The following DCTN1 variants were observed in gnomAD, a reference collection of about 807,000 sequenced individuals.
DCTN1 encodes 150 kDa dynein-associated polypeptide.
DCTN1 carries 61 observed loss-of-function variants against 161.2 expected under a neutral mutation model. The ratio of observed to expected loss-of-function variants is 0.38; its 90% CI spans 0.31 to 0.47. DCTN1 has a LOEUF of 0.47. DCTN1 is among the 20% of genes least tolerant of loss of function. DCTN1 has a pLI of 0.99. For missense variants in DCTN1, 1,404 were observed against 1,623.7 expected (o/e 0.86, Z 2.33); for synonymous variants, 653 against 632.4 (o/e 1.03, Z -0.49).
At chr2:74,363,790 T>C (rs1674203004) in intron 26 of DCTN1, 162 bp from the exon 27 acceptor site, 3 of 929,540 alleles carry the variant, frequency 3.2e-6, no homozygotes, top group Non-Finnish European at 5.1e-6. Flanking sequence ...GCCACCTATC[T>C]TTGGGGACGA....
chr2:74,361,697 T>A, intron 31 of DCTN1, 61 bp from the exon 32 acceptor site: 1 of 1,611,326 alleles, frequency 6.2e-7, no homozygotes, highest in Non-Finnish European at 8.5e-7. Flanking sequence ...TGTGGGCCAC[T>A]GAAGGGGTCC....
At chr2:74,363,796 G>C in intron 26 of DCTN1, 168 bp from the exon 27 acceptor site, 1 of 890,466 alleles carries the variant, frequency 1.1e-6, no homozygotes, top group Admixed American at 2.0e-5. Flanking sequence ...TATCTTTGGG[G>C]ACGAGCAGAT....
intron 1 of DCTN1, chr2:74,385,559 G>A (rs1456680793): frequency 6.6e-6 from 1 of 152,200 alleles, no homozygotes; most frequent in Non-Finnish European, 1.5e-5. Flanking sequence ...GCTGTACTGG[G>A]CTCTGCCTTT....
In DCTN1 at chr2:74,369,342, C is replaced by G; in HGVS notation, c.1542G>C (p.Gln514His). 1 of 1,614,186 alleles carries G rather than the reference C, an allele frequency of 6.2e-7. No individual in the cohort carries two copies. The highest frequency in any genetic ancestry group is 1.1e-5 in the South Asian group (1 of 91,080). Residue 514 changes from glutamine (Q) to histidine (H), a missense_variant, in exon 14 of 32, where the codon CAG becomes CAC. This residue lies in a region of DCTN1 where 278 missense variants were observed against 363.8 expected (regional missense o/e 0.76). Coordinates refer to ENST00000628224, the MANE Select transcript of DCTN1 (RefSeq NM_004082.5). This position sits in a 1 kb window ranked among gnomAD's most constrained non-coding sequence, Gnocchi z 4.9. ...EAAQETVADY[Q>H]QTIKKYRQLT... ...GCTGGCGGTACTTCTTGATGGTCTG[C>G]TGGTAGTCTGCAACCGTCTCCTGGG... is the stretch of plus-strand genomic sequence containing the variant.
Position 74,361,348 on chromosome 2 carries a change from G to T in DCTN1, c.*151C>A. 1 of 1,093,102 alleles carries T rather than the reference G, an allele frequency of 9.1e-7. No homozygotes were observed. The highest frequency in any genetic ancestry group is 1.3e-6 in the Non-Finnish European group (1 of 741,906). 67.7% of individuals were successfully genotyped at this position (1,093,102 alleles called of 1,614,324 possible). A position where few individuals can be genotyped will look rare whatever the true frequency, so the allele number is the denominator to read the frequency against. On this transcript the variant is annotated 3_prime_UTR_variant, in exon 32 of 32. Transcript: ENST00000628224. ...GGGGAACCCGGGTCAAGGTGAAGGG[G>T]CAGGACGCTGAAAGGGTGGGAGTGA...
chr2:74,381,422 A>G (rs1000874173), upstream of DCTN1, among the ~76,000 whole-genome samples: 2 of 152,240 alleles, frequency 1.3e-5, no homozygotes, highest in Non-Finnish European at 2.9e-5. Flanking sequence ...GGAGAATGAC[A>G]GCCAACATTC....
chr2:74,378,266 C>G (rs767083714), intron 1 of DCTN1, 21 bp from the exon 2 acceptor site: 2 of 1,602,476 alleles, frequency 1.2e-6, no homozygotes, highest in Non-Finnish European at 1.7e-6. Context: ...CAGGTAAACA[C>G]AGACAGTTAG....
chr2:74,380,412 C>T, upstream of DCTN1: 3 of 500,808 alleles, frequency 6.0e-6, no homozygotes, highest in South Asian at 4.7e-5. Flanking sequence ...GGGCATACGC[C>T]ACAGACCCTC....
rs984523563 is a variant in DCTN1, at chr2:74,366,636, G to C, written c.2467-16C>G. On this transcript the variant is annotated splice_polypyrimidine_tract_variant and intron_variant, in intron 21 of 31. Coordinates refer to ENST00000628224, the MANE Select transcript of DCTN1 (RefSeq NM_004082.5). ...TGTCAGATACCTGTGTGCCAGGCCA[G>C]AGTCAGGAGTCAACCCTGGGTTCAG... 9.9e-6 allele frequency: 16 copies of C among 1,612,492 alleles called. No homozygotes were observed. Among genetic ancestry groups the C allele is most frequent in the Non-Finnish European group, 1.3e-5 (15 of 1,180,030 alleles).
chr2:74,362,183 C>G, intron 30 of DCTN1, 42 bp from the exon 31 acceptor site: 1 of 1,585,288 alleles, frequency 6.3e-7, no homozygotes, highest in Non-Finnish European at 8.7e-7. Flanking sequence ...TTTATGGGAC[C>G]CCCACAGGCT....
upstream of DCTN1, chr2:74,380,499 C>T (rs979630861): frequency 1.1e-5 from 5 of 474,310 alleles, no homozygotes; most frequent in Non-Finnish European, 2.2e-5. Context: ...ACCCACTCAC[C>T]ATCACTGTTC....
At chr2:74,386,139 C>T (rs1001860306) in intron 1 of DCTN1, among the ~76,000 whole-genome samples, 1 of 152,178 alleles carries the variant, frequency 6.6e-6, no homozygotes. Flanking sequence ...CACTGTCCTG[C>T]CCCCTCCATG....
chr2:74,378,831 C>A (rs1376143833), intron 1 of DCTN1: 1 of 159,058 alleles, frequency 6.3e-6, no homozygotes, highest in Non-Finnish European at 1.4e-5. Flanking sequence ...CTCCTCCCAC[C>A]CCCATCCACA....
Position 74,378,176 on chromosome 2 carries a change from C to T in DCTN1, c.103G>A (p.Val35Met). 1 of 1,613,992 alleles carries T rather than the reference C, an allele frequency of 6.2e-7. No homozygotes were observed. Among genetic ancestry groups the T allele is most frequent in the Non-Finnish European group, 8.5e-7 (1 of 1,180,050 alleles). ...GTGCCTCGGTGGCCTTTTCCAATCA[C>T]CTCTACACGGGAGCCCACCCGCAGA... The part of the protein sequence containing the change: ...RPLRVGSRVE[V>M]IGKGHRGTVA... Residue 35 changes from valine to methionine, a missense_variant, in exon 2 of 32, where the codon GTG becomes ATG. By Grantham distance (21) the Val-to-Met change is conservative (BLOSUM62 1). Around this residue, in one of 9 missense-constraint regions of DCTN1, gnomAD observed 53 missense variants for 54.4 expected, o/e 0.97. Transcript: ENST00000628224.
In DCTN1 at chr2:74,369,686, G is replaced by C. The variant is rs1180933038; in HGVS notation, c.1393-195C>G. On this transcript the variant is annotated intron_variant, in intron 13 of 31. Coordinates refer to ENST00000628224, the MANE Select transcript of DCTN1 (RefSeq NM_004082.5). The surrounding 1 kb of genome is among the most constrained non-coding windows in gnomAD (Gnocchi z 4.9). ...AAATTAGCTGGGTATGGTGGCGCAT[G>C]CCTGTAGTACCAGCTACTCGGGAGG... Among the ~76,000 whole-genome samples the C allele has an allele frequency of 6.6e-6, 1 of 152,128 alleles. No homozygotes were observed. The highest frequency in any genetic ancestry group is 1.5e-5 in the Non-Finnish European group (1 of 68,006).
intron 3 of DCTN1, 90 bp from the exon 4 acceptor site, chr2:74,377,556 T>A: frequency 2.6e-6 from 4 of 1,523,120 alleles, no homozygotes; most frequent in Admixed American, 3.3e-5. Context: ...CGGAAAAAAA[T>A]CTTAGGATCT....
chr2:74,368,865 A>T lies in DCTN1; in HGVS notation c.1717T>A (p.Leu573Met). 1 of 1,614,286 alleles carries T rather than the reference A, an allele frequency of 6.2e-7. No homozygotes were observed. Among genetic ancestry groups the T allele is most frequent in the Non-Finnish European group, 8.5e-7 (1 of 1,180,048 alleles). Reference sequence around the variant, plus strand: ...GCCTGGGCCACCTCCATCTGCCTCAATTCCATCTCAATTGCCTGTGAGGTG... The same window carrying T: ...GCCTGGGCCACCTCCATCTGCCTCATTTCCATCTCAATTGCCTGTGAGGTG... ...KAHAKAIEME[L>M]RQMEVAQANR... The change falls in exon 16 of 32, where the codon TTG becomes ATG. Residue 573 changes from leucine (L) to methionine (M), a missense_variant. By Grantham distance (15) the Leu-to-Met change is conservative. This residue lies in a region of DCTN1 where 278 missense variants were observed against 363.8 expected (regional missense o/e 0.76). Transcript: ENST00000628224.
At chr2:74,384,060 A>C (rs1222473496), upstream of DCTN1, among the ~76,000 whole-genome samples, 2 of 152,260 alleles carry the variant, frequency 1.3e-5, no homozygotes, top group African/African-American at 4.8e-5. Context: ...AGCATGAGAA[A>C]TGTAATAATT....
At chr2:74,381,994 AAGACACAC>A (rs1250669981), upstream of DCTN1, among the ~76,000 whole-genome samples, 10 of 152,350 alleles carry the variant, frequency 6.6e-5, no homozygotes, top group Middle Eastern at 0.01. Context: ...AACTTCCCTG[AAGACACAC>A]AGACTGTGAG....
Sources: allele counts gnomAD v4.1 joint callset (sites outside exome capture counted in the v4.1 genomes callset), GRCh38; gene constraint gnomAD v4.1.1; regional missense constraint gnomAD v4.1.1; non-coding constraint Gnocchi (gnomAD v3.1); transcripts MANE v1.5; gene names NCBI Gene and HGNC (gene_info 2026-07-23, HGNC 2026-07-21).